The following RBM47 variants were observed in gnomAD, a reference collection of about 807,000 sequenced individuals.
The protein encoded by RBM47 is RNA binding motif protein 47.
RBM47 carries 21 observed loss-of-function variants against 47.1 expected under a neutral mutation model. The observed-to-expected ratio is 0.45, with a 90% CI of 0.32 to 0.64. The LOEUF is 0.64. RBM47 is among the 30% of genes least tolerant of loss of function. The probability of loss-of-function intolerance (pLI) is 0.05; values close to 1 mark genes in which losing one functional copy is unlikely to be tolerated. For missense variants in RBM47, 708 were observed against 870.9 expected (o/e 0.81, Z 2.35); for synonymous variants, 375 against 361.7 (o/e 1.04, Z -0.42).
intron 2 of RBM47, among the ~76,000 whole-genome samples, chr4:40,542,361 C>A (rs1225874475): frequency 6.6e-6 from 1 of 152,110 alleles, no homozygotes; most frequent in Non-Finnish European, 1.5e-5. Flanking sequence ...TGGGCCCCTG[C>A]AAAGGCTGTT....
chr4:40,618,076 A>G, intron 1 of RBM47, among the ~76,000 whole-genome samples: 1 of 151,856 alleles, frequency 6.6e-6, no homozygotes, highest in Non-Finnish European at 1.5e-5. Context: ...CCCTGTCTCT[A>G]CAAAAAATAC....
intron 1 of RBM47, among the ~76,000 whole-genome samples, chr4:40,614,161 G>GT (rs1425307725): frequency 6.6e-6 from 1 of 152,098 alleles, no homozygotes; most frequent in Non-Finnish European, 1.5e-5. Flanking sequence ...TAAGAACTTT[G>GT]TAAGATTTGG....
At chr4:40,506,008 G>A (rs1427627951) in intron 2 of RBM47, among the ~76,000 whole-genome samples, 1 of 152,166 alleles carries the variant, frequency 6.6e-6, no homozygotes, top group Non-Finnish European at 1.5e-5. Flanking sequence ...GGTGGGCAGT[G>A]AGCTGTAACC....
rs185092114 is a variant in RBM47, at chr4:40,504,907, G to T, written c.-154-38208C>A. On this transcript the variant is annotated intron_variant, in intron 2 of 6. Transcript: ENST00000295971. ...AGATTCTTTACCAAAGAAGTACTTGGGGAGGACCAAGGACTGCCAACCTCT... is the reference window on the plus strand; with the variant it reads ...AGATTCTTTACCAAAGAAGTACTTGTGGAGGACCAAGGACTGCCAACCTCT... Among the ~76,000 whole-genome samples, 87 of 152,312 alleles carry T rather than the reference G, an allele frequency of 5.7e-4. No homozygotes were observed. The Middle Eastern group carries it at 0.014, about 24-fold the overall frequency.
At chr4:40,484,025 G>T (rs1237548215) in intron 2 of RBM47, among the ~76,000 whole-genome samples, 1 of 152,054 alleles carries the variant, frequency 6.6e-6, no homozygotes, top group Non-Finnish European at 1.5e-5. Flanking sequence ...TAAATAAATG[G>T]TGACACACCA....
At chr4:40,478,708 G>A (rs1396216835) in intron 2 of RBM47, among the ~76,000 whole-genome samples, 1 of 152,108 alleles carries the variant, frequency 6.6e-6, no homozygotes, top group East Asian at 1.9e-4. Flanking sequence ...GGCTGGTCTC[G>A]AAATGCTAGG....
intron 2 of RBM47, among the ~76,000 whole-genome samples, chr4:40,537,007 T>C (rs886769691): frequency 5.3e-5 from 8 of 152,138 alleles, no homozygotes; most frequent in African/African-American, 1.9e-4. Context: ...GAAAATAGGT[T>C]ATCTTGTTTG....
At chr4:40,439,422 G>C (rs187328058) in intron 3 of RBM47, among the ~76,000 whole-genome samples, 7 of 152,286 alleles carry the variant, frequency 4.6e-5, no homozygotes, top group Admixed American at 4.6e-4. Context: ...AAAACTTTTA[G>C]GAGCTGTCAT....
chr4:40,488,299 C>T (rs946746080), intron 2 of RBM47, among the ~76,000 whole-genome samples: 1 of 125,672 alleles, frequency 8.0e-6, no homozygotes, highest in African/African-American at 3.1e-5. Context: ...AACTGCACTC[C>T]AGCCTAGGTG....
At chr4:40,439,949 G>A (rs899352602) in intron 3 of RBM47, among the ~76,000 whole-genome samples, 1 of 152,200 alleles carries the variant, frequency 6.6e-6, no homozygotes, top group Non-Finnish European at 1.5e-5. Flanking sequence ...TTGGAATGGG[G>A]CTAGTGTGAC....
intron 2 of RBM47, among the ~76,000 whole-genome samples, chr4:40,528,851 G>A (rs189669564): frequency 2.0e-3 from 298 of 152,130 alleles, no homozygotes; most frequent in African/African-American, 7.1e-3. Flanking sequence ...GCTAAGGCAG[G>A]AGAATGGCGT....
intron 2 of RBM47, among the ~76,000 whole-genome samples, chr4:40,473,428 G>T (rs1253649720): frequency 6.6e-6 from 1 of 152,132 alleles, no homozygotes; most frequent in Non-Finnish European, 1.5e-5. Context: ...AATGACAAAT[G>T]ATTCTATATG....
intron 2 of RBM47, chr4:40,543,200 C>T (rs1187977591): frequency 6.6e-6 from 1 of 152,188 alleles, no homozygotes; most frequent in Non-Finnish European, 1.5e-5. Flanking sequence ...TCTCAAGATG[C>T]TATTTTTCTG....
intron 1 of RBM47, among the ~76,000 whole-genome samples, chr4:40,592,261 T>C (rs1734217196): frequency 6.6e-6 from 1 of 150,990 alleles, no homozygotes; most frequent in African/African-American, 2.4e-5. Context: ...CTTTTACTTT[T>C]TTTTTTTTTT....
At chr4:40,437,021 C>T in intron 4 of RBM47, 1 of 314,468 alleles carries the variant, frequency 3.2e-6, no homozygotes, top group Non-Finnish European at 6.2e-6. Context: ...GAGAGGATGG[C>T]TTGAGCCCAG....
At chr4:40,503,714 GA>G (rs1266533796) in intron 2 of RBM47, among the ~76,000 whole-genome samples, 1 of 152,062 alleles carries the variant, frequency 6.6e-6, no homozygotes, top group Non-Finnish European at 1.5e-5. Context: ...AAGAGCCTAA[GA>G]GGGGGGAGAG....
At chr4:40,518,551 T>TG (rs1220999358) in intron 2 of RBM47, among the ~76,000 whole-genome samples, 1 of 152,020 alleles carries the variant, frequency 6.6e-6, no homozygotes, top group Non-Finnish European at 1.5e-5. Context: ...AACAGACAGA[T>TG]GAGAGGACAG....
At chr4:40,527,390 G>A (rs562898422) in intron 2 of RBM47, among the ~76,000 whole-genome samples, 5 of 149,082 alleles carry the variant, frequency 3.4e-5, no homozygotes, top group South Asian at 2.1e-4. Context: ...AGATTCAAGC[G>A]ATCCTCCTGC....
chr4:40,538,590 G>T (rs149987676), intron 2 of RBM47, among the ~76,000 whole-genome samples: 3 of 151,962 alleles, frequency 2.0e-5, no homozygotes, highest in African/African-American at 7.3e-5. Context: ...CTCCCAAAGT[G>T]CTGGGATTAT....
Sources: gnomAD v4.1 joint callset for allele counts (sites outside exome capture counted in the v4.1 genomes callset) on GRCh38, gnomAD v4.1.1 for gene constraint, MANE v1.5 for transcripts, NCBI Gene and HGNC (gene_info 2026-07-23, HGNC 2026-07-21) for gene names.